The following BRWD1 variants were observed in gnomAD, a reference collection of about 807,000 sequenced individuals.
The protein encoded by BRWD1 is bromodomain and WD repeat domain containing 1, also known as bromodomain and WD repeat-containing protein 1.
BRWD1 carries 82 observed loss-of-function variants against 251.2 expected under a neutral mutation model. That is an observed-to-expected ratio of 0.33 (90% CI 0.27 to 0.39). The LOEUF is 0.39. Among genes scored for constraint, BRWD1 ranks in the 10% least tolerant of loss-of-function variants. The pLI is 1.00. For missense variants in BRWD1, 2,233 were observed against 2,711.6 expected (o/e 0.82, Z 3.92); for synonymous variants, 918 against 902.8 (o/e 1.02, Z -0.30).
intron 39 of BRWD1, 86 bp from the exon 40 acceptor site, chr21:39,199,748 CT>C (rs984567656): frequency 3.9e-6 from 5 of 1,297,978 alleles, no homozygotes; most frequent in Middle Eastern, 4.9e-4. Flanking sequence ...ATTTTCTTCA[CT>C]TTTTTGGGGG....
At chr21:39,313,131 G>A (rs2036568425) in intron 2 of BRWD1, 30 bp from the exon 3 acceptor site, 7 of 1,497,962 alleles carry the variant, frequency 4.7e-6, no homozygotes, top group Non-Finnish European at 6.2e-6. Context: ...GGTCAGGGGT[G>A]GGGTCGGGCC....
chr21:39,314,644 C>A (rs1183343238), upstream of BRWD1: 2 of 330,142 alleles, frequency 6.1e-6, no homozygotes, highest in East Asian at 1.7e-4. Context: ...CCTGCTCTGG[C>A]CCCTAAAGTA....
rs1227370375 is a variant in BRWD1 at position 39,190,216 on chromosome 21, A to C, written c.*6043T>G. 1.0e-6 allele frequency: 1 copy of C among 974,244 alleles called. No individual in the cohort carries two copies. Among genetic ancestry groups the C allele is most frequent in the African/African-American group, 1.8e-5 (1 of 54,466 alleles). 60.3% of individuals were successfully genotyped at this position (974,244 alleles called of 1,614,324 possible). On this transcript the variant is annotated 3_prime_UTR_variant, in exon 41 of 41. Transcript: ENST00000342449. ...AGTTTCTACATTTCAAGGATTAATC[A>C]TATTCTAATTAGACTTTTTTTTAAT... is the stretch of plus-strand genomic sequence containing the variant.
rs980992048 is a variant in BRWD1 at position 39,294,804 on chromosome 21, C to T, written c.610-772G>A. Among the ~76,000 whole-genome samples, 10 of 152,120 alleles carry T rather than the reference C, an allele frequency of 6.6e-5. No individual in the cohort carries two copies. In the South Asian group the frequency reaches 1.0e-3, roughly 16 times the overall value. On this transcript the variant is annotated intron_variant, in intron 7 of 40. Transcript: ENST00000342449. ...AAAAGTGGTGGGAATAGCCTCCTCA[C>T]GAACACAGTCTCAAGTTTACAGTAC...
At chr21:39,257,424 G>A (rs1287772539) in intron 18 of BRWD1, among the ~76,000 whole-genome samples, 1 of 152,128 alleles carries the variant, frequency 6.6e-6, no homozygotes, top group African/African-American at 2.4e-5. Flanking sequence ...TCTAAATTGA[G>A]AGAAATCTTG....
rs2035046334 is a variant in BRWD1, at chr21:39,269,919, T to C, written c.1510A>G (p.Met504Val). Residue 504 changes from methionine to valine, a missense_variant, in exon 15 of 41, where the codon ATG becomes GTG. Transcript: ENST00000342449. Reference protein sequence around the residue: ...FIWDITKGTKMKHYFNMIEGQ... With the variant: ...FIWDITKGTKVKHYFNMIEGQ... Reference sequence around the variant, plus strand: ...CTTACCATATTAAAATAATGTTTCATCTTGGTACCTTTTGTAATATCCCAT... The same window carrying C: ...CTTACCATATTAAAATAATGTTTCACCTTGGTACCTTTTGTAATATCCCAT... 4.5e-6 allele frequency: 7 copies of C among 1,541,258 alleles called. No homozygotes were observed. Among genetic ancestry groups the C allele is most frequent in the Non-Finnish European group, 5.3e-6 (6 of 1,142,778 alleles).
chr21:39,229,231 TGGGAAG>T, intron 26 of BRWD1, 75 bp downstream of exon 26: 1 of 1,254,758 alleles, frequency 8.0e-7, no homozygotes, highest in Non-Finnish European at 1.1e-6. Flanking sequence ...TGGAGTTAAA[TGGGAAG>T]GGCATGCTAA....
intron 8 of BRWD1, among the ~76,000 whole-genome samples, chr21:39,281,872 C>CAAAAA (rs34428135): frequency 9.6e-6 from 1 of 104,120 alleles, no homozygotes; most frequent in African/African-American, 4.1e-5. Context: ...CTTCACCTAC[C>CAAAAA]AAAAAAAATA....
intron 10 of BRWD1, among the ~76,000 whole-genome samples, chr21:39,278,021 TG>T (rs2035332041): frequency 6.6e-6 from 1 of 151,950 alleles, no homozygotes. Context: ...ATTTTTGTTT[TG>T]TTTTTTTTTA....
Position 39,228,551 on chromosome 21 carries a change from G to C in BRWD1, c.3157C>G (p.Leu1053Val). 1.2e-6 allele frequency: 2 copies of C among 1,612,844 alleles called. No individual in the cohort carries two copies. Among genetic ancestry groups the C allele is most frequent in the Non-Finnish European group, 1.7e-6 (2 of 1,179,232 alleles). ...YHDMPDVIDF[L>V]VLRQFYDEAR... ...TCATCATAAAATTGACGCAATACAAGAAAGTCAATAACATCTGGCATATCA... is the reference window on the plus strand; with the variant it reads ...TCATCATAAAATTGACGCAATACAACAAAGTCAATAACATCTGGCATATCA... Residue 1053 changes from leucine (L) to valine (V), a missense_variant, in exon 27 of 41, where the codon CTT (leucine) becomes GTT (valine). Around this residue, in one of 12 missense-constraint regions of BRWD1, gnomAD observed 139 missense variants for 272.8 expected, o/e 0.51. Transcript: ENST00000342449.
chr21:39,196,844 C>A lies in BRWD1; in HGVS notation c.6225G>T (p.Leu2075Phe), dbSNP rs201811432. The A allele has an allele frequency of 2.0e-5, 32 of 1,613,490 alleles. No homozygotes were observed. The highest frequency in any genetic ancestry group is 2.7e-5 in the Non-Finnish European group (32 of 1,179,938). Residue 2075 changes from leucine to phenylalanine, a missense_variant, in exon 41 of 41, where the codon TTG (leucine) becomes TTT (phenylalanine). Physicochemically the swap from Leu to Phe is conservative, Grantham distance 22. Around this residue, in one of 12 missense-constraint regions of BRWD1, gnomAD observed 928 missense variants for 970.0 expected, o/e 0.96. Coordinates refer to ENST00000342449, the MANE Select transcript of BRWD1 (RefSeq NM_033656.4). ...TDRTFSSEST[L>F]AQKATAENNF... ...TATTCTCTGCAGTAGCTTTTTGTGC[C>A]AAGGTTGACTCTGAAGAAAATGTCC... is the stretch of plus-strand genomic sequence containing the variant.
rs536466916 is a variant in BRWD1, at chr21:39,195,549, G to A, written c.*710C>T. ...GCTCTGACTATGCTCTGGTCCTAGAGGTTTAAAACATGCACTCAAATCATT... is the reference window on the plus strand; with the variant it reads ...GCTCTGACTATGCTCTGGTCCTAGAAGTTTAAAACATGCACTCAAATCATT... On this transcript the variant is annotated 3_prime_UTR_variant, in exon 41 of 41. Transcript: ENST00000342449. The A allele has an allele frequency of 1.0e-5, 10 of 984,484 alleles. No homozygotes were observed. Among genetic ancestry groups the A allele is most frequent in the South Asian group, 9.4e-5 (2 of 21,252 alleles). 61.0% of individuals were successfully genotyped at this position (984,484 alleles called of 1,614,324 possible).
rs1477005838 is a variant in BRWD1, at chr21:39,185,592, G to A, written c.*10667C>T. The A allele has an allele frequency of 6.6e-6, 1 of 151,854 alleles. No individual in the cohort carries two copies. The highest frequency in any genetic ancestry group is 1.5e-5 in the Non-Finnish European group (1 of 67,940). The allele number at this position is 151,854 out of a possible 1,614,324, so 9.4% of individuals were successfully genotyped here. A position where few individuals can be genotyped will look rare whatever the true frequency, so the allele number is the denominator to read the frequency against. On this transcript the variant is annotated 3_prime_UTR_variant, in exon 41 of 41. Coordinates refer to ENST00000342449, the MANE Select transcript of BRWD1 (RefSeq NM_033656.4). ...TACTACAAAAGGAGCAAAGGACACA[G>A]ACTTAGTAGGTTAGAATATTCTGGC... is the stretch of plus-strand genomic sequence containing the variant.
In BRWD1 at chr21:39,265,225, A is replaced by C. The variant is rs531006914; in HGVS notation, c.1531-206T>G. Among the ~76,000 whole-genome samples the C allele has an allele frequency of 1.4e-3, 216 of 152,204 alleles. 1 individual carries two copies. The highest frequency in any genetic ancestry group is 2.6e-3 in the Non-Finnish European group (174 of 68,002). ...GACTGCCTGAGCACAGGAGTTCAAG[A>C]CCACCCTGGGCAACATGGTGAAACC... On this transcript the variant is annotated intron_variant, in intron 15 of 40. Coordinates refer to ENST00000342449, the MANE Select transcript of BRWD1 (RefSeq NM_033656.4).
chr21:39,259,452 G>A (rs989448015), intron 17 of BRWD1, among the ~76,000 whole-genome samples: 1 of 146,262 alleles, frequency 6.8e-6, no homozygotes, highest in South Asian at 2.2e-4. Flanking sequence ...CACCATGCCC[G>A]GCTAATTTTT....
At chr21:39,300,325 G>C (rs1346727789) in intron 4 of BRWD1, among the ~76,000 whole-genome samples, 3 of 152,180 alleles carry the variant, frequency 2.0e-5, no homozygotes, top group Non-Finnish European at 2.9e-5. Context: ...GGAAAGCCTA[G>C]AGCAGGACGG....
At chr21:39,255,559 A>C in intron 19 of BRWD1, 86 bp downstream of exon 19, 1 of 1,125,508 alleles carries the variant, frequency 8.9e-7, no homozygotes, top group Non-Finnish European at 1.3e-6. Context: ...TTATTTACAC[A>C]ATTAATGGAA....
chr21:39,265,098 A>G, intron 15 of BRWD1, 79 bp from the exon 16 acceptor site: 1 of 1,436,688 alleles, frequency 7.0e-7, no homozygotes, highest in Admixed American at 2.3e-5. Flanking sequence ...AATGTGGATA[A>G]CCTGTGACAA....
Position 39,312,786 on chromosome 21 carries a change from G to A in BRWD1, c.198+55C>T. ...CGGGGTCCCCGCGAGGGGAAGGGGC[G>A]GGGGCGGGGGGCGGTGCACGGAAAA... On this transcript the variant is annotated intron_variant, in intron 4 of 40. Transcript: ENST00000342449. The A allele has an allele frequency of 3.5e-6, 5 of 1,446,322 alleles. No homozygotes were observed. The Admixed American group carries it at 5.6e-5, about 16-fold the overall frequency. 89.6% of individuals were successfully genotyped at this position (1,446,322 alleles called of 1,614,324 possible).
Sources: gnomAD v4.1 joint callset for allele counts (sites outside exome capture counted in the v4.1 genomes callset) on GRCh38, gnomAD v4.1.1 for gene constraint, gnomAD v4.1.1 regional missense constraint, MANE v1.5 for transcripts, NCBI Gene and HGNC (gene_info 2026-07-23, HGNC 2026-07-21) for gene names.